Variants in KRT8 observed in about 807,000 individuals in gnomAD.
KRT8 encodes the protein keratin 8, also known as keratin, type II cytoskeletal 8.
KRT8 carries 24 observed loss-of-function variants against 43.0 expected under a neutral mutation model. The ratio of observed to expected loss-of-function variants is 0.56; its 90% CI spans 0.40 to 0.78. The LOEUF is 0.78. Ranked by LOEUF, KRT8 falls within the 30% of genes least tolerant of loss-of-function variation. The probability of loss-of-function intolerance (pLI) is 0.00; values close to 1 mark genes in which losing one functional copy is unlikely to be tolerated. For synonymous variants in KRT8, 214 were observed against 261.2 expected, an observed-to-expected ratio of 0.82 and a Z score of 1.74; for missense variants, 492 against 638.4, an observed-to-expected ratio of 0.77 and a Z score of 2.47.
intron 1 of KRT8, among the ~76,000 whole-genome samples, chr12:52,902,418 C>A (rs1941395161): frequency 6.6e-6 from 1 of 152,132 alleles, no homozygotes; most frequent in African/African-American, 2.4e-5. Flanking sequence ...GTCTCCGGCG[C>A]CCAGGCTGGA....
intron 2 of KRT8, among the ~76,000 whole-genome samples, chr12:52,925,854 C>T (rs1015152175): frequency 2.0e-5 from 3 of 152,138 alleles, no homozygotes; most frequent in Non-Finnish European, 1.5e-5. Flanking sequence ...CAAAGGGACC[C>T]AGGTTCCAGT....
At chr12:52,914,437 T>TGA (rs1941696501) in intron 2 of KRT8, among the ~76,000 whole-genome samples, 1 of 152,046 alleles carries the variant, frequency 6.6e-6, no homozygotes, top group Non-Finnish European at 1.5e-5. Flanking sequence ...CTCAGGAGGC[T>TGA]GAGGCAGGAG....
chr12:52,910,680 G>A (rs1211161511), upstream of KRT8, among the ~76,000 whole-genome samples: 1 of 152,234 alleles, frequency 6.6e-6, no homozygotes, highest in Non-Finnish European at 1.5e-5. Flanking sequence ...AGCCCTCATG[G>A]TGTTCAGGCA....
chr12:52,934,682 A>G (rs941693896), intron 2 of KRT8, among the ~76,000 whole-genome samples: 1 of 151,842 alleles, frequency 6.6e-6, no homozygotes, highest in Admixed American at 6.6e-5. Flanking sequence ...ATAAAGATAG[A>G]TACAGGCCAG....
intron 2 of KRT8, among the ~76,000 whole-genome samples, chr12:52,923,332 T>C (rs2120668838): frequency 6.6e-6 from 1 of 152,350 alleles, no homozygotes; most frequent in Middle Eastern, 3.4e-3. Context: ...CTGTGTGACA[T>C]TGGACAAGTT....
chr12:52,914,160 T>C (rs529628383), intron 2 of KRT8, among the ~76,000 whole-genome samples: 6 of 151,772 alleles, frequency 4.0e-5, no homozygotes, highest in African/African-American at 7.3e-5. Flanking sequence ...GAGGCAAAGA[T>C]TGCAGTGAGC....
At chr12:52,900,422 G>A (rs1941338840) in intron 4 of KRT8, among the ~76,000 whole-genome samples, 166 bp downstream of exon 4, 1 of 152,158 alleles carries the variant, frequency 6.6e-6, no homozygotes, top group African/African-American at 2.4e-5. Flanking sequence ...AGAACATATA[G>A]ACCCAATAAA....
chr12:52,921,864 G>A (rs1321655362), intron 2 of KRT8, among the ~76,000 whole-genome samples: 1 of 151,984 alleles, frequency 6.6e-6, no homozygotes, highest in Non-Finnish European at 1.5e-5. Context: ...CTGAGCCTCA[G>A]GATTAAAAGC....
At chr12:52,941,528 A>G (rs149856852) in intron 2 of KRT8, among the ~76,000 whole-genome samples, 9,403 of 84,458 alleles carry the variant, frequency 0.11, 1,386 homozygotes, top group African/African-American at 0.37. Flanking sequence ...CACTCTTGTT[A>G]CCCAGGCTGG....
At chr12:52,937,385 AAGAG>A (rs573602282) in intron 2 of KRT8, among the ~76,000 whole-genome samples, 1 of 150,042 alleles carries the variant, frequency 6.7e-6, no homozygotes, top group Non-Finnish European at 1.5e-5. Flanking sequence ...AAAAAAAAAA[AAGAG>A]AGAGAGATAC....
At chr12:52,925,884 C>T (rs1592179527) in intron 2 of KRT8, among the ~76,000 whole-genome samples, 1 of 152,230 alleles carries the variant, frequency 6.6e-6, no homozygotes, top group South Asian at 2.1e-4. Flanking sequence ...GCGTTTCTCT[C>T]CCCCTCAGGG....
At chr12:52,929,073 G>T (rs1003381295) in intron 2 of KRT8, among the ~76,000 whole-genome samples, 1 of 151,946 alleles carries the variant, frequency 6.6e-6, no homozygotes, top group Admixed American at 6.6e-5. Flanking sequence ...CATGGAAATG[G>T]CTAAACTAAT....
chr12:52,924,322 G>C (rs559861208), intron 2 of KRT8, among the ~76,000 whole-genome samples: 1 of 151,906 alleles, frequency 6.6e-6, no homozygotes, highest in Non-Finnish European at 1.5e-5. Context: ...GGTGGCGGGC[G>C]TCTGTAGTCC....
At chr12:52,930,491 C>T (rs1485163595) in intron 2 of KRT8, among the ~76,000 whole-genome samples, 1 of 152,122 alleles carries the variant, frequency 6.6e-6, no homozygotes, top group Non-Finnish European at 1.5e-5. Context: ...AAAGTGCTGG[C>T]ATTACAGGCA....
intron 2 of KRT8, among the ~76,000 whole-genome samples, chr12:52,935,198 C>A (rs538526288): frequency 6.6e-6 from 1 of 150,584 alleles, no homozygotes; most frequent in East Asian, 2.0e-4. Context: ...CTGGCCAACA[C>A]GGCAAAACCC....
At chr12:52,920,934 G>A (rs546518241) in intron 2 of KRT8, among the ~76,000 whole-genome samples, 12 of 152,316 alleles carry the variant, frequency 7.9e-5, no homozygotes, top group East Asian at 1.9e-4. Flanking sequence ...TAGAGAGCAC[G>A]CAGCTCAGCT....
chr12:52,918,058 A>G (rs1040712278), intron 2 of KRT8, among the ~76,000 whole-genome samples: 20 of 108,608 alleles, frequency 1.8e-4, no homozygotes, highest in East Asian at 6.9e-4. Flanking sequence ...AAGAGGAAGA[A>G]GAAGGAGAAG....
At chr12:52,923,854 T>TA (rs948476187) in intron 2 of KRT8, among the ~76,000 whole-genome samples, 4 of 150,362 alleles carry the variant, frequency 2.7e-5, no homozygotes, top group African/African-American at 7.3e-5. Context: ...GCATTATATA[T>TA]TTTTTTTTTC....
At chr12:52,915,606 A>T (rs1941721631) in intron 2 of KRT8, among the ~76,000 whole-genome samples, 1 of 152,032 alleles carries the variant, frequency 6.6e-6, no homozygotes, top group Non-Finnish European at 1.5e-5. Flanking sequence ...GCTACTTGGG[A>T]GGCTGAGACA....
Sources: allele counts gnomAD v4.1 joint callset (sites outside exome capture counted in the v4.1 genomes callset), GRCh38; gene constraint gnomAD v4.1.1; transcripts MANE v1.5; gene names NCBI Gene and HGNC (gene_info 2026-07-23, HGNC 2026-07-21).